Variants in ZDHHC21 observed in about 807,000 individuals in gnomAD.
ZDHHC21 encodes zDHHC palmitoyltransferase 21.
ZDHHC21 carries 15 observed loss-of-function variants against 34.6 expected under a neutral mutation model. That is an observed-to-expected ratio of 0.43 (90% CI 0.29 to 0.67). ZDHHC21 has a LOEUF of 0.67. Among genes scored for constraint, ZDHHC21 ranks in the 30% least tolerant of loss-of-function variants. The pLI is 0.14. For missense variants in ZDHHC21, 344 were observed against 327.7 expected (o/e 1.05, Z -0.38); for synonymous variants, 142 against 101.8 (o/e 1.40, Z -2.38).
At chr9:14,680,493 T>C (rs990166601) in intron 2 of ZDHHC21, among the ~76,000 whole-genome samples, 1 of 152,150 alleles carries the variant, frequency 6.6e-6, no homozygotes, top group African/African-American at 2.4e-5. Flanking sequence ...AAAATAACGA[T>C]AGATTCTGGT....
rs1833553273 is a variant in ZDHHC21 at position 14,662,291 on chromosome 9, A to T, written c.289T>A (p.Leu97Met). 1.2e-6 allele frequency: 2 copies of T among 1,611,696 alleles called. No individual in the cohort carries two copies. Among genetic ancestry groups the T allele is most frequent in the Non-Finnish European group, 1.7e-6 (2 of 1,179,190 alleles). Residue 97 changes from leucine (L) to methionine (M), a missense_variant, in exon 6 of 10, where the codon TTG (leucine) becomes ATG (methionine). By Grantham distance (15) the Leu-to-Met change is conservative. Coordinates refer to ENST00000380916, the MANE Select transcript of ZDHHC21 (RefSeq NM_178566.6). ...EFWELCNKCN[L>M]MRPKRSHHCS... The stretch of plus-strand genomic sequence containing the variant: ...TGATGGGAACGCTTTGGTCTCATCA[A>T]ATTACACTTGTTACATAATTCCCAG...
intron 7 of ZDHHC21, among the ~76,000 whole-genome samples, chr9:14,643,086 A>T (rs1829661613): frequency 6.6e-6 from 1 of 152,054 alleles, no homozygotes; most frequent in South Asian, 2.1e-4. Flanking sequence ...AAAAAATAAA[A>T]ATAAAAATAA....
rs1824335327 is a variant in ZDHHC21, at chr9:14,617,046, T to C, written c.*1920A>G. On this transcript the variant is annotated 3_prime_UTR_variant, in exon 10 of 10. Transcript: ENST00000380916. Reference sequence around the variant, plus strand: ...TGGCTCTGCTGTTTTCTCAAGGTCTTTATTTGAAAGGAATGTATACAATAT... The same window carrying C: ...TGGCTCTGCTGTTTTCTCAAGGTCTCTATTTGAAAGGAATGTATACAATAT... 1 of 151,752 alleles carries C rather than the reference T, an allele frequency of 6.6e-6. No individual in the cohort carries two copies. The highest frequency in any genetic ancestry group is 1.5e-5 in the Non-Finnish European group (1 of 67,840). 9.4% of individuals were successfully genotyped at this position (151,752 alleles called of 1,614,324 possible). A position where few individuals can be genotyped will look rare whatever the true frequency, so the allele number is the denominator to read the frequency against.
At chr9:14,624,596 T>A (rs1825886092) in intron 8 of ZDHHC21, among the ~76,000 whole-genome samples, 1 of 151,954 alleles carries the variant, frequency 6.6e-6, no homozygotes, top group Non-Finnish European at 1.5e-5. Flanking sequence ...TTAAAAAAGG[T>A]GATCTCACAG....
chr9:14,685,304 T>C (rs62539796), intron 2 of ZDHHC21, among the ~76,000 whole-genome samples: 153 of 137,780 alleles, frequency 1.1e-3, no homozygotes, highest in South Asian at 3.2e-3. Context: ...AATCTACTCA[T>C]CTGACAAAGG....
rs1296487907 is a variant in ZDHHC21 at position 14,658,783 on chromosome 9, T to C, written c.470A>G (p.Tyr157Cys). The C allele has an allele frequency of 2.5e-6, 4 of 1,613,848 alleles. No homozygotes were observed. The highest frequency in any genetic ancestry group is 2.2e-5 in the East Asian group (1 of 44,850). Residue 157 changes from tyrosine (Y) to cysteine (C), a missense_variant, in exon 7 of 10, where the codon TAT (tyrosine) becomes TGT (cysteine). By Grantham distance (194) the Tyr-to-Cys change is radical (BLOSUM62 -2). Transcript: ENST00000380916. ...CYALMFSFCH[Y>C]YYFLPLKKRN... is the part of the protein sequence containing the mutation. Reference sequence around the variant, plus strand: ...CTTTTTTAGTGGAAGAAAATAGTAATAGTGGCAGAAAGAAAACATCAGTGC... The same window carrying C: ...CTTTTTTAGTGGAAGAAAATAGTAACAGTGGCAGAAAGAAAACATCAGTGC...
At chr9:14,630,302 A>C (rs1446466019) in intron 8 of ZDHHC21, among the ~76,000 whole-genome samples, 1 of 152,178 alleles carries the variant, frequency 6.6e-6, no homozygotes, top group Non-Finnish European at 1.5e-5. Flanking sequence ...TCCATCTCAA[A>C]ACACCACTTT....
At chr9:14,679,758 G>GA in intron 3 of ZDHHC21, among the ~76,000 whole-genome samples, 1 of 152,166 alleles carries the variant, frequency 6.6e-6, no homozygotes, top group Non-Finnish European at 1.5e-5. Context: ...TTTTAAAAAT[G>GA]AAGTACAGAA....
At chr9:14,669,591 C>G (rs13302516) in intron 5 of ZDHHC21, among the ~76,000 whole-genome samples, 47,403 of 145,374 alleles carry the variant, frequency 0.33, 7,968 homozygotes, top group Middle Eastern at 0.39. Context: ...ATAGCAAAGA[C>G]TTGGAACCAA....
the ZDHHC21 span, among the ~76,000 whole-genome samples, chr9:14,592,710 A>G: frequency 6.6e-6 from 1 of 152,174 alleles, no homozygotes; most frequent in Non-Finnish European, 1.5e-5. Context: ...TACTATCAGA[A>G]TACATGTTCT....
rs544288515 is a variant in ZDHHC21 at position 14,682,431 on chromosome 9, A to G, written c.-175-2269T>C. 8.5e-5 allele frequency among the ~76,000 whole-genome samples: 13 copies of G among 152,304 alleles called. 1 individual carries two copies. In the South Asian group the frequency reaches 2.7e-3, roughly 32 times the overall value. ...ACATACTTTAAACCAAAAACATCAA[A>G]ACAGACAAAGAAGGCCATTACATAA... is the stretch of plus-strand genomic sequence containing the variant. On this transcript the variant is annotated intron_variant, in intron 2 of 9. Transcript: ENST00000380916.
intron 7 of ZDHHC21, among the ~76,000 whole-genome samples, chr9:14,651,353 A>G (rs979009540): frequency 1.3e-5 from 2 of 151,766 alleles, no homozygotes; most frequent in African/African-American, 2.4e-5. Context: ...TCCTTGGGGG[A>G]AAAATGCAAA....
At chr9:14,659,532 ATATTT>A (rs1232271010) in intron 6 of ZDHHC21, among the ~76,000 whole-genome samples, 3 of 152,200 alleles carry the variant, frequency 2.0e-5, no homozygotes, top group Non-Finnish European at 4.4e-5. Context: ...TTTAAGCTGA[ATATTT>A]TATTGTTCCA....
chr9:14,683,024 A>G (rs1564397937), intron 2 of ZDHHC21, among the ~76,000 whole-genome samples: 1 of 152,232 alleles, frequency 6.6e-6, no homozygotes, highest in East Asian at 1.9e-4. Flanking sequence ...TCTCTGGGAC[A>G]CATTCAAACC....
intron 5 of ZDHHC21, among the ~76,000 whole-genome samples, chr9:14,667,462 T>A (rs1834671018): frequency 6.6e-6 from 1 of 151,200 alleles, no homozygotes; most frequent in South Asian, 2.1e-4. Context: ...ACTATTCCAA[T>A]CAATAGAAAA....
chr9:14,651,570 C>T (rs1831251717), intron 7 of ZDHHC21, among the ~76,000 whole-genome samples: 1 of 151,774 alleles, frequency 6.6e-6, no homozygotes, highest in Admixed American at 6.6e-5. Context: ...AGACATTTTC[C>T]ACTAATCCAA....
chr9:14,622,064 AATG>A lies in ZDHHC21; in HGVS notation c.622-2385_622-2383del, dbSNP rs139439492. ...ATCCAGAGAAATTCACTTGTCCAGGAATGATAACAAACAAGTTTTTACTATGTG... is the reference window on the plus strand; with the variant it reads ...ATCCAGAGAAATTCACTTGTCCAGGAATAACAAACAAGTTTTTACTATGTG... On this transcript the variant is annotated intron_variant, in intron 8 of 9. Transcript: ENST00000380916. Among the ~76,000 whole-genome samples the A allele has an allele frequency of 6.0e-3, 920 of 152,222 alleles. 5 individuals are homozygous for A. Among genetic ancestry groups the A allele is most frequent in the African/African-American group, 0.02 (846 of 41,536 alleles).
At chr9:14,594,641 G>C in the ZDHHC21 span, among the ~76,000 whole-genome samples, 1 of 152,110 alleles carries the variant, frequency 6.6e-6, no homozygotes, top group Non-Finnish European at 1.5e-5. Context: ...CTTGGGTTAA[G>C]CAAAGACCTC....
intron 8 of ZDHHC21, 134 bp downstream of exon 8, chr9:14,639,762 T>C: frequency 4.0e-6 from 2 of 501,778 alleles, no homozygotes; most frequent in Non-Finnish European, 6.9e-6. Flanking sequence ...TAAAATTACA[T>C]AGGCACATGA....
Sources: gnomAD v4.1 joint callset for allele counts (sites outside exome capture counted in the v4.1 genomes callset) on GRCh38, gnomAD v4.1.1 for gene constraint, MANE v1.5 for transcripts, NCBI Gene and HGNC (gene_info 2026-07-23, HGNC 2026-07-21) for gene names.